The following MCTP1 variants were observed in gnomAD, a reference collection of about 807,000 sequenced individuals.
The protein encoded by MCTP1 is multiple C2 and transmembrane domain containing 1, also known as multiple C2 and transmembrane domain-containing protein 1.
In MCTP1, 69 loss-of-function variants were observed where a neutral mutation model predicts 120.6. The ratio of observed to expected loss-of-function variants is 0.57; its 90% CI spans 0.47 to 0.70. The LOEUF (loss-of-function observed/expected upper bound fraction) is 0.70. Ranked by LOEUF, MCTP1 falls within the 30% of genes least tolerant of loss-of-function variation. The probability of loss-of-function intolerance (pLI) is 0.00; values close to 1 mark genes in which losing one functional copy is unlikely to be tolerated. For missense variants in MCTP1, 1,203 were observed against 1,248.8 expected (o/e 0.96, Z 0.55); for synonymous variants, 529 against 493.1 (o/e 1.07, Z -0.96).
intron 19 of MCTP1, among the ~76,000 whole-genome samples, chr5:94,722,601 T>C (rs1761171690): frequency 6.6e-6 from 1 of 152,320 alleles, no homozygotes; most frequent in Non-Finnish European, 1.5e-5. Flanking sequence ...CCAAGGCATA[T>C]GGTCACCTTA....
intron 1 of MCTP1, among the ~76,000 whole-genome samples, chr5:95,242,998 G>A (rs1207358396): frequency 6.6e-6 from 1 of 152,166 alleles, no homozygotes; most frequent in Admixed American, 6.5e-5. Context: ...CCACTATTTA[G>A]GACATGTGAA....
intron 1 of MCTP1, among the ~76,000 whole-genome samples, chr5:95,152,278 C>T (rs1229794829): frequency 2.0e-5 from 3 of 152,132 alleles, no homozygotes; most frequent in Non-Finnish European, 4.4e-5. Context: ...GATTCTCTTC[C>T]ACTATTTTTG....
At chr5:95,042,378 G>C (rs1842498623) in intron 1 of MCTP1, among the ~76,000 whole-genome samples, 1 of 152,116 alleles carries the variant, frequency 6.6e-6, no homozygotes, top group Non-Finnish European at 1.5e-5. Flanking sequence ...CATGCTACCA[G>C]AAAACAGCGG....
At chr5:95,203,354 G>T (rs1253230735) in intron 1 of MCTP1, among the ~76,000 whole-genome samples, 1 of 152,296 alleles carries the variant, frequency 6.6e-6, no homozygotes, top group Non-Finnish European at 1.5e-5. Flanking sequence ...GAACCTCTGA[G>T]TGACCTTATC....
At chr5:94,967,665 G>T (rs895686423) in intron 2 of MCTP1, among the ~76,000 whole-genome samples, 6 of 152,234 alleles carry the variant, frequency 3.9e-5, no homozygotes, top group Non-Finnish European at 5.9e-5. Context: ...CGAGACTGGT[G>T]TCAGAGAGAG....
At chr5:95,032,763 C>T (rs1466557045) in intron 1 of MCTP1, among the ~76,000 whole-genome samples, 1 of 151,328 alleles carries the variant, frequency 6.6e-6, no homozygotes, top group Admixed American at 6.6e-5. Context: ...AAATTTAGAG[C>T]AAAAAAATTA....
At chr5:95,123,591 T>G (rs930170041) in intron 1 of MCTP1, among the ~76,000 whole-genome samples, 2 of 152,216 alleles carry the variant, frequency 1.3e-5, no homozygotes, top group Non-Finnish European at 2.9e-5. Context: ...GAATTTATCA[T>G]TCAGCACAAG....
intron 2 of MCTP1, among the ~76,000 whole-genome samples, chr5:94,960,736 C>T (rs1823924912): frequency 6.6e-6 from 1 of 152,132 alleles, no homozygotes; most frequent in Admixed American, 6.5e-5. Flanking sequence ...CATGTCACGA[C>T]CGTTAGAATG....
intron 2 of MCTP1, among the ~76,000 whole-genome samples, chr5:94,961,929 G>T (rs1388637362): frequency 6.6e-6 from 1 of 152,084 alleles, no homozygotes; most frequent in Non-Finnish European, 1.5e-5. Flanking sequence ...GCTCATTGTA[G>T]ATTCTGGATA....
At chr5:94,892,604 C>T (rs1466277838) in intron 11 of MCTP1, among the ~76,000 whole-genome samples, 1 of 152,118 alleles carries the variant, frequency 6.6e-6, no homozygotes, top group Non-Finnish European at 1.5e-5. Flanking sequence ...ATTTGTGGGG[C>T]TTCAATCCTT....
At chr5:95,004,714 C>T (rs1424014184) in intron 2 of MCTP1, among the ~76,000 whole-genome samples, 1 of 152,226 alleles carries the variant, frequency 6.6e-6, no homozygotes, top group Non-Finnish European at 1.5e-5. Context: ...CAGAGGGCAA[C>T]AGTTGAGGCT....
chr5:95,182,199 T>G (rs1748674506), intron 1 of MCTP1, among the ~76,000 whole-genome samples: 1 of 152,126 alleles, frequency 6.6e-6, no homozygotes, highest in Non-Finnish European at 1.5e-5. Flanking sequence ...AAGAAAAGGA[T>G]GAAGATGCCC....
intron 19 of MCTP1, among the ~76,000 whole-genome samples, chr5:94,726,038 CTTT>C (rs1306167887): frequency 1.3e-5 from 2 of 152,194 alleles, no homozygotes; most frequent in African/African-American, 2.4e-5. Context: ...TGTAAAACTT[CTTT>C]GTCATATGTA....
At chr5:95,060,147 T>C (rs1231256334) in intron 1 of MCTP1, among the ~76,000 whole-genome samples, 2 of 150,250 alleles carry the variant, frequency 1.3e-5, no homozygotes, top group Non-Finnish European at 3.0e-5. Flanking sequence ...TTTAGTATGA[T>C]AGTCTCTAGA....
intron 1 of MCTP1, among the ~76,000 whole-genome samples, chr5:95,176,693 C>T (rs773723331): frequency 6.6e-6 from 1 of 151,964 alleles, no homozygotes; most frequent in Non-Finnish European, 1.5e-5. Context: ...ACTAAAAATA[C>T]AAAAAATTAG....
intron 12 of MCTP1, among the ~76,000 whole-genome samples, chr5:94,875,940 TTTCCACACTA>T (rs1798778806): frequency 6.6e-6 from 1 of 152,144 alleles, no homozygotes; most frequent in South Asian, 2.1e-4. Flanking sequence ...ACATCAGGTC[TTTCCACACTA>T]TGTTATGTTT....
chr5:95,239,118 C>T (rs922027073), intron 1 of MCTP1, among the ~76,000 whole-genome samples: 10 of 152,024 alleles, frequency 6.6e-5, no homozygotes, highest in East Asian at 1.9e-4. Context: ...CATTTGGTCT[C>T]GTAGAAGAAA....
intron 12 of MCTP1, among the ~76,000 whole-genome samples, chr5:94,879,712 T>G (rs758310085): frequency 6.6e-6 from 1 of 152,034 alleles, no homozygotes; most frequent in Non-Finnish European, 1.5e-5. Context: ...TGTACACTCA[T>G]GAAAGAATAA....
At chr5:94,798,178 A>C (rs986777605) in intron 18 of MCTP1, among the ~76,000 whole-genome samples, 1 of 151,844 alleles carries the variant, frequency 6.6e-6, no homozygotes, top group Non-Finnish European at 1.5e-5. Flanking sequence ...TCTTCTCAAC[A>C]GCTGTCTATT....
Sources: allele counts gnomAD v4.1 joint callset (sites outside exome capture counted in the v4.1 genomes callset), GRCh38; gene constraint gnomAD v4.1.1; transcripts MANE v1.5; gene names NCBI Gene and HGNC (gene_info 2026-07-23, HGNC 2026-07-21).